LTBP1: variants seen among roughly 807,000 people sequenced by gnomAD.
The protein encoded by LTBP1 is latent-transforming growth factor beta-binding protein 1.
Under a neutral mutation model 207.6 loss-of-function variants are expected in LTBP1, and 129 were observed. The ratio of observed to expected loss-of-function variants is 0.62; its 90% CI spans 0.54 to 0.72. The LOEUF (loss-of-function observed/expected upper bound fraction) is 0.72. Among genes scored for constraint, LTBP1 ranks in the 30% least tolerant of loss-of-function variants. LTBP1 has a pLI of 0.00. For missense variants in LTBP1, 2,281 were observed against 2,217.2 expected (o/e 1.03, Z -0.58); for synonymous variants, 963 against 833.7 (o/e 1.16, Z -2.67).
chr2:33,241,135 G>A (rs1381207292), intron 9 of LTBP1, among the ~76,000 whole-genome samples: 1 of 152,168 alleles, frequency 6.6e-6, no homozygotes, highest in East Asian at 1.9e-4. Context: ...CAAGGCAGTT[G>A]AAGGAAACAG....
At chr2:33,382,295 A>G (rs1461861145) in intron 31 of LTBP1, among the ~76,000 whole-genome samples, 1 of 151,738 alleles carries the variant, frequency 6.6e-6, no homozygotes, top group Admixed American at 6.6e-5. Context: ...GGGTTTCACC[A>G]TATTGTTCAG....
At chr2:33,354,683 TACACACACAC>T (rs71409608) in intron 26 of LTBP1, among the ~76,000 whole-genome samples, 1,615 of 139,756 alleles carry the variant, frequency 0.012, 25 homozygotes, top group African/African-American at 0.036. Context: ...ACTAAAACTA[TACACACACAC>T]ACACACACAC....
At chr2:33,256,029 A>T (rs143763076) in intron 11 of LTBP1, among the ~76,000 whole-genome samples, 10 of 150,774 alleles carry the variant, frequency 6.6e-5, no homozygotes, top group African/African-American at 2.4e-4. Context: ...TTCACTATTC[A>T]TGGGGATTAT....
Position 33,317,790 on chromosome 2 carries a change from G to T in LTBP1, c.3730+2521G>T, listed in dbSNP as rs1006028552. The T allele has an allele frequency of 2.7e-4, 41 of 152,208 alleles. 1 individual carries two copies. The allele number at this position is 152,208 out of a possible 1,614,324, so 9.4% of individuals were successfully genotyped here. A position where few individuals can be genotyped will look rare whatever the true frequency, so the allele number is the denominator to read the frequency against. ...ATAACTCCCACATAGCTGAAGGAAG[G>T]AGGGCCCTTCCCTGATTTCCCGTGA... On this transcript the variant is annotated intron_variant, in intron 24 of 33. Coordinates refer to ENST00000404816, the MANE Select transcript of LTBP1 (RefSeq NM_206943.4).
Position 33,315,240 on chromosome 2 carries a change from C to G in LTBP1, c.3701C>G (p.Ser1234Ter). 6.2e-7 allele frequency: 1 copy of G among 1,613,460 alleles called. No homozygotes were observed. The highest frequency in any genetic ancestry group is 8.5e-7 in the Non-Finnish European group (1 of 1,179,866). The change falls in exon 24 of 34, where the codon TCA becomes TGA. Residue 1234 changes from serine (S) to a stop codon, truncating the protein, a stop_gained. Transcript: ENST00000404816. LOFTEE classifies it high-confidence loss of function. ...SFHCVCQQGF[S>*]ISADGRTCED... Reference sequence around the variant, plus strand: ...CATTGTGTCTGCCAGCAGGGTTTCTCAATCTCTGCAGATGGCCGTACGTGT... The same window carrying G: ...CATTGTGTCTGCCAGCAGGGTTTCTGAATCTCTGCAGATGGCCGTACGTGT...
At chr2:33,203,836 G>T (rs1049981725) in intron 7 of LTBP1, among the ~76,000 whole-genome samples, 2 of 152,164 alleles carry the variant, frequency 1.3e-5, no homozygotes, top group African/African-American at 4.8e-5. Context: ...TGGCAAAGTG[G>T]TAAGATTTTA....
intron 7 of LTBP1, among the ~76,000 whole-genome samples, chr2:33,202,117 A>G (rs2089372487): frequency 6.6e-6 from 1 of 152,042 alleles, no homozygotes; most frequent in Admixed American, 6.6e-5. Flanking sequence ...AAAACTTAAA[A>G]GAATAAGCTT....
Position 33,263,365 on chromosome 2 carries a change from C to G in LTBP1, c.2590C>G (p.Gln864Glu). Residue 864 changes from glutamine (Q) to glutamate (E), a missense_variant, in exon 15 of 34, where the codon CAA becomes GAA. Gln to Glu is a conservative substitution (Grantham distance 29). Transcript: ENST00000404816. ...TGAAGCTTCTACGTCTAGTGCCAGC[C>G]AAGTGATTGCTCCTACTCAAGTGAC... ...APEASTSSAS[Q>E]VIAPTQVTEI... 1.9e-6 allele frequency: 3 copies of G among 1,613,802 alleles called. No homozygotes were observed. The highest frequency in any genetic ancestry group is 2.5e-6 in the Non-Finnish European group (3 of 1,179,814).
intron 3 of LTBP1, among the ~76,000 whole-genome samples, chr2:33,072,000 G>A (rs991841250): frequency 6.7e-6 from 1 of 150,328 alleles, no homozygotes; most frequent in African/African-American, 2.4e-5. Context: ...AGACAGCATC[G>A]GATCCCACAG....
At chr2:33,272,146 C>T (rs966610811) in intron 15 of LTBP1, among the ~76,000 whole-genome samples, 4 of 152,200 alleles carry the variant, frequency 2.6e-5, no homozygotes, top group Non-Finnish European at 5.9e-5. Flanking sequence ...ACAGTGAATA[C>T]TTTATGAAAA....
intron 18 of LTBP1, among the ~76,000 whole-genome samples, chr2:33,277,351 C>G (rs573885584): frequency 6.6e-6 from 1 of 152,184 alleles, no homozygotes; most frequent in Admixed American, 6.5e-5. Context: ...TAAAGTGTCT[C>G]CACGCTGCTC....
chr2:33,185,273 TC>T (rs2087076105), intron 5 of LTBP1, among the ~76,000 whole-genome samples: 1 of 152,112 alleles, frequency 6.6e-6, no homozygotes, highest in Non-Finnish European at 1.5e-5. Context: ...AGGGAGGACT[TC>T]CAGGACCAGA....
chr2:33,264,701 G>A (rs1401339108), intron 15 of LTBP1, among the ~76,000 whole-genome samples: 1 of 152,148 alleles, frequency 6.6e-6, no homozygotes, highest in Non-Finnish European at 1.5e-5. Flanking sequence ...TATCAAATTA[G>A]TATGTAAAAC....
At chr2:33,181,786 C>T (rs995878756) in intron 5 of LTBP1, among the ~76,000 whole-genome samples, 5 of 152,188 alleles carry the variant, frequency 3.3e-5, no homozygotes, top group East Asian at 1.9e-4. Context: ...TTAACAATAA[C>T]GTACTCTTTT....
At chr2:33,103,658 A>T in intron 3 of LTBP1, among the ~76,000 whole-genome samples, 1 of 142,466 alleles carries the variant, frequency 7.0e-6, no homozygotes, top group Non-Finnish European at 1.5e-5. Context: ...CATCTTCCTA[A>T]TGGTTTGCTT....
At chr2:33,074,270 C>T (rs553321439) in intron 3 of LTBP1, among the ~76,000 whole-genome samples, 4 of 152,312 alleles carry the variant, frequency 2.6e-5, no homozygotes, top group African/African-American at 9.6e-5. Flanking sequence ...CTGATCTGCC[C>T]AAATGCAGCA....
intron 7 of LTBP1, among the ~76,000 whole-genome samples, chr2:33,199,821 T>A (rs1192875788): frequency 6.6e-6 from 1 of 151,924 alleles, no homozygotes; most frequent in Non-Finnish European, 1.5e-5. Context: ...AGCATTCTTA[T>A]ACACCAATAA....
intron 5 of LTBP1, among the ~76,000 whole-genome samples, chr2:33,142,557 G>T (rs1303629488): frequency 2.0e-5 from 3 of 152,128 alleles, no homozygotes; most frequent in African/African-American, 7.2e-5. Context: ...GGAACAAGAA[G>T]GGCAATAGGT....
Position 33,299,677 on chromosome 2 carries a change from G to A in LTBP1, c.3236-774G>A, listed in dbSNP as rs61217842. 3.0e-4 allele frequency among the ~76,000 whole-genome samples: 46 copies of A among 152,170 alleles called. No individual in the cohort carries two copies. The East Asian group carries it at 5.6e-3, about 19-fold the overall frequency. ...CAAGACAGAATTATCTGCTTAGGTCGGACCAATATAATGGCCAAACAAAAA... is the reference window on the plus strand; with the variant it reads ...CAAGACAGAATTATCTGCTTAGGTCAGACCAATATAATGGCCAAACAAAAA... On this transcript the variant is annotated intron_variant, in intron 20 of 33. Transcript: ENST00000404816.
Sources: gnomAD v4.1 joint callset for allele counts (sites outside exome capture counted in the v4.1 genomes callset) on GRCh38, gnomAD v4.1.1 for gene constraint, MANE v1.5 for transcripts, NCBI Gene and HGNC (gene_info 2026-07-23, HGNC 2026-07-21) for gene names.